Variants in UNC13B observed in about 807,000 individuals in gnomAD.
UNC13B encodes the protein unc-13 homolog B.
In UNC13B, 144 loss-of-function variants were observed where a neutral mutation model predicts 211.0. The ratio of observed to expected loss-of-function variants is 0.68; its 90% CI spans 0.60 to 0.78. UNC13B has a LOEUF of 0.78. Ranked by LOEUF, UNC13B falls within the 30% of genes least tolerant of loss-of-function variation. UNC13B has a pLI of 0.00. For missense variants in UNC13B, 1,777 were observed against 2,002.0 expected, an observed-to-expected ratio of 0.89 and a Z score of 2.14; for synonymous variants, 709 against 725.8, an observed-to-expected ratio of 0.98 and a Z score of 0.37.
chr9:35,260,495 A>T (rs1383252708), intron 7 of UNC13B, among the ~76,000 whole-genome samples: 1 of 152,182 alleles, frequency 6.6e-6, no homozygotes, highest in Non-Finnish European at 1.5e-5. Context: ...CCACTGTGTT[A>T]TATTGATTCC....
At chr9:35,378,583 A>G in intron 17 of UNC13B, 147 bp downstream of exon 17, 1 of 1,096,540 alleles carries the variant, frequency 9.1e-7, no homozygotes, top group Non-Finnish European at 1.3e-6. Flanking sequence ...GACATCAGCC[A>G]TTCTTTCTCT....
In UNC13B at chr9:35,397,299, A is replaced by G; in HGVS notation, c.11665A>G (p.Arg3889Gly). 1.9e-6 allele frequency: 3 copies of G among 1,613,878 alleles called. No individual in the cohort carries two copies. The South Asian group carries it at 3.3e-5, about 18-fold the overall frequency. ...DPSILAHYMR[R>G]FAKTIGKVLM... Reference sequence around the variant, plus strand: ...CAGCATCCTTGCCCACTACATGAGGAGGTTTGCTAAGGTGACCATAACTCT... The same window carrying G: ...CAGCATCCTTGCCCACTACATGAGGGGGTTTGCTAAGGTGACCATAACTCT... The change falls in exon 29 of 40, where the codon AGG becomes GGG. Residue 3889 changes from arginine to glycine, a missense_variant. Transcript: ENST00000635942.
chr9:35,364,781 T>G (rs1049454407), intron 11 of UNC13B, among the ~76,000 whole-genome samples: 1 of 152,184 alleles, frequency 6.6e-6, no homozygotes, highest in Admixed American at 6.5e-5. Flanking sequence ...CAGATATCCC[T>G]GGAGCACACT....
chr9:35,348,291 C>G (rs926637988), intron 11 of UNC13B, among the ~76,000 whole-genome samples: 5 of 152,176 alleles, frequency 3.3e-5, no homozygotes, highest in Non-Finnish European at 7.3e-5. Flanking sequence ...CTGGGCCTCA[C>G]CAGCATTGGA....
intron 11 of UNC13B, chr9:35,353,728 A>C: frequency 2.4e-6 from 3 of 1,232,136 alleles, no homozygotes; most frequent in Non-Finnish European, 3.0e-6. Flanking sequence ...ATGTTCTAAG[A>C]GAGAAAAGAC....
intron 12 of UNC13B, among the ~76,000 whole-genome samples, chr9:35,368,721 G>GTCTT (rs747654839): frequency 0.024 from 3,241 of 135,738 alleles, 111 homozygotes; most frequent in African/African-American, 0.082. Flanking sequence ...GTCAGTATCT[G>GTCTT]TTTTTTTTTT....
chr9:35,288,715 A>G (rs1359906953), intron 7 of UNC13B, among the ~76,000 whole-genome samples: 1 of 152,196 alleles, frequency 6.6e-6, no homozygotes, highest in Non-Finnish European at 1.5e-5. Flanking sequence ...GGCCCAGTAG[A>G]TGGGATCAGA....
At chr9:35,329,411 C>G (rs1292609265) in intron 11 of UNC13B, among the ~76,000 whole-genome samples, 1 of 152,006 alleles carries the variant, frequency 6.6e-6, no homozygotes, top group Non-Finnish European at 1.5e-5. Flanking sequence ...TGGCCATTGA[C>G]AAGCCAAGGA....
chr9:35,262,398 G>A (rs576552995), intron 7 of UNC13B, among the ~76,000 whole-genome samples: 2 of 151,822 alleles, frequency 1.3e-5, no homozygotes, highest in East Asian at 3.9e-4. Flanking sequence ...CTGGCTGTAA[G>A]CTTTGCCTCC....
chr9:35,245,777 TC>T lies in UNC13B; in HGVS notation c.468+2414del, dbSNP rs1337942096. ...GTTGGACATTTGGGTTGGTTCCAGG[TC>T]TTTGCTATTGTGAATAGTGCCGCAA... On this transcript the variant is annotated intron_variant, in intron 6 of 39. Transcript: ENST00000635942. Among the ~76,000 whole-genome samples the T allele has an allele frequency of 5.3e-5, 8 of 152,200 alleles. No individual in the cohort carries two copies. The East Asian group carries it at 1.3e-3, about 26-fold the overall frequency.
intron 11 of UNC13B, among the ~76,000 whole-genome samples, chr9:35,328,345 G>T (rs1051842958): frequency 1.3e-5 from 2 of 151,978 alleles, no homozygotes; most frequent in Admixed American, 1.3e-4. Flanking sequence ...TTAAACATGA[G>T]CAAAGTCCCT....
Position 35,295,694 on chromosome 9 carries a change from A to T in UNC13B, c.527-2A>T. The T allele has an allele frequency of 1.2e-6, 2 of 1,613,986 alleles. No individual in the cohort carries two copies. The highest frequency in any genetic ancestry group is 1.7e-6 in the Non-Finnish European group (2 of 1,179,884). On this transcript the variant is annotated splice_acceptor_variant, in intron 7 of 39. Transcript: ENST00000635942. LOFTEE classifies it high-confidence loss of function. ...CTTTGATTGAATGTGCTTATTCCAT[A>T]GCTTTTGAAGACCCTGATAGTGCCG...
chr9:35,162,360 C>G, intron 1 of UNC13B, 55 bp downstream of exon 1: 1 of 1,491,342 alleles, frequency 6.7e-7, no homozygotes. Context: ...GGTCCCCGCA[C>G]CCTTCCAGTG....
chr9:35,387,980 G>C (rs1835290743), intron 24 of UNC13B, among the ~76,000 whole-genome samples: 1 of 152,180 alleles, frequency 6.6e-6, no homozygotes, highest in Non-Finnish European at 1.5e-5. Context: ...TCTCTCAGAA[G>C]AGGCAAAGTT....
intron 11 of UNC13B, chr9:35,351,666 C>T: frequency 8.1e-7 from 1 of 1,232,282 alleles, no homozygotes. Flanking sequence ...GGATCCTTAC[C>T]AGAGGACAAC....
rs375813824 is a variant in UNC13B at position 35,325,303 on chromosome 9, G to A, written c.9414+11314G>A. Among the ~76,000 whole-genome samples, 23 of 152,310 alleles carry A rather than the reference G, an allele frequency of 1.5e-4. No individual in the cohort carries two copies. In the South Asian group the frequency reaches 4.8e-3, roughly 32 times the overall value. On this transcript the variant is annotated intron_variant, in intron 11 of 39. Coordinates refer to ENST00000635942, the MANE Select transcript of UNC13B (RefSeq NM_001371189.2). ...TTGCCTAAAAATCTCTAGAAAAGGA[G>A]AGGTCCATACCCATTCTCGCCTATT... is the stretch of plus-strand genomic sequence containing the variant.
chr9:35,175,035 G>A (rs1049072957), intron 1 of UNC13B, among the ~76,000 whole-genome samples: 1 of 152,212 alleles, frequency 6.6e-6, no homozygotes, highest in African/African-American at 2.4e-5. Flanking sequence ...TGGGACTCAA[G>A]TGATCTGTCT....
chr9:35,218,842 C>T (rs966805499), intron 1 of UNC13B, among the ~76,000 whole-genome samples: 13 of 151,856 alleles, frequency 8.6e-5, no homozygotes, highest in Non-Finnish European at 1.6e-4. Flanking sequence ...CTCTGCTTCC[C>T]GGGTTCAAGT....
chr9:35,377,628 G>T lies in UNC13B; in HGVS notation c.9996G>T (p.Gln3332His), dbSNP rs1013472527. The T allele has an allele frequency of 1.2e-6, 2 of 1,614,114 alleles. No individual in the cohort carries two copies. The highest frequency in any genetic ancestry group is 2.7e-5 in the African/African-American group (2 of 74,950). The change falls in exon 16 of 40, where the codon CAG (glutamine) becomes CAT (histidine). Residue 3332 changes from glutamine to histidine, a missense_variant. Physicochemically the swap from Gln to His is conservative, Grantham distance 24. Transcript: ENST00000635942. ...TGAACAAAGCTGCCCATGTGCAGCA[G>T]ATGAAAACAGTGAAGCAGAGTGTAC... ...FTVNKAAHVQ[Q>H]MKTVKQSVLD...
Sources: gnomAD v4.1 joint callset for allele counts (sites outside exome capture counted in the v4.1 genomes callset) on GRCh38, gnomAD v4.1.1 for gene constraint, MANE v1.5 for transcripts, NCBI Gene and HGNC (gene_info 2026-07-23, HGNC 2026-07-21) for gene names.